The following FBXO36 variants were observed in gnomAD, a reference collection of about 807,000 sequenced individuals.
The protein encoded by FBXO36 is F-box only protein 36.
FBXO36 carries 18 observed loss-of-function variants against 17.0 expected under a neutral mutation model. The ratio of observed to expected loss-of-function variants is 1.06; its 90% CI spans 0.73 to 1.57. FBXO36 has a LOEUF of 1.57. Ranked by LOEUF, FBXO36 falls within the 40% of genes most tolerant of loss-of-function variation. FBXO36 has a pLI of 0.00. For missense variants in FBXO36, 229 were observed against 221.9 expected (o/e 1.03, Z -0.20); for synonymous variants, 83 against 85.3 (o/e 0.97, Z 0.15).
rs1021596293 is a variant in FBXO36, at chr2:229,926,142, A to T, written c.96+3533A>T. ...CCTTCTCTTAAAAAAAAAAAAAAAA[A>T]AAAGGGGGGGCTGAGCACAGCTCAT... is the stretch of plus-strand genomic sequence containing the variant. On this transcript the variant is annotated intron_variant, in intron 1 of 3. Coordinates refer to ENST00000283946, the MANE Select transcript of FBXO36 (RefSeq NM_174899.5). 1.2e-4 allele frequency among the ~76,000 whole-genome samples: 18 copies of T among 151,108 alleles called. No homozygotes were observed. The South Asian group carries it at 3.8e-3, about 32-fold the overall frequency.
chr2:229,984,101 G>C (rs1318123644), intron 2 of FBXO36, among the ~76,000 whole-genome samples: 1 of 152,108 alleles, frequency 6.6e-6, no homozygotes, highest in Non-Finnish European at 1.5e-5. Flanking sequence ...TGTAATCCCA[G>C]CACTTTGGGA....
chr2:229,993,989 G>A (rs1445155345), intron 2 of FBXO36, among the ~76,000 whole-genome samples: 1 of 151,866 alleles, frequency 6.6e-6, no homozygotes, highest in Non-Finnish European at 1.5e-5. Context: ...AGCCAGGTTG[G>A]TCTCGATCTC....
chr2:229,983,795 G>T (rs2077253159), intron 2 of FBXO36, among the ~76,000 whole-genome samples: 1 of 151,944 alleles, frequency 6.6e-6, no homozygotes, highest in Non-Finnish European at 1.5e-5. Context: ...ATCTTTTTAG[G>T]TCTCAGTTCC....
intron 2 of FBXO36, among the ~76,000 whole-genome samples, chr2:229,983,721 G>A (rs74748308): frequency 0.012 from 1,804 of 152,300 alleles, 43 homozygotes; most frequent in African/African-American, 0.041. Flanking sequence ...GCTTAATACA[G>A]ACTACTTCCA....
At chr2:229,932,349 A>T (rs1352545919) in intron 1 of FBXO36, among the ~76,000 whole-genome samples, 2 of 151,858 alleles carry the variant, frequency 1.3e-5, no homozygotes, top group Non-Finnish European at 2.9e-5. Flanking sequence ...GGAGAAACCC[A>T]GTCTCTACTA....
chr2:229,951,688 C>A (rs1331517153), intron 1 of FBXO36, among the ~76,000 whole-genome samples: 1 of 148,360 alleles, frequency 6.7e-6, no homozygotes, highest in Non-Finnish European at 1.5e-5. Context: ...GATGATGGGG[C>A]ATTTAGAAGA....
chr2:229,965,739 G>A (rs2077149130), intron 1 of FBXO36, among the ~76,000 whole-genome samples: 1 of 152,164 alleles, frequency 6.6e-6, no homozygotes, highest in African/African-American at 2.4e-5. Context: ...ATTCTACGGT[G>A]TATATGTGCC....
intron 3 of FBXO36, among the ~76,000 whole-genome samples, chr2:229,998,807 T>C (rs1200184738): frequency 1.3e-5 from 2 of 150,076 alleles, no homozygotes; most frequent in African/African-American, 4.9e-5. Flanking sequence ...ATAATTTTTT[T>C]TTTTTTTTTT....
chr2:229,942,752 G>A (rs2077006365), intron 1 of FBXO36: 1 of 152,292 alleles, frequency 6.6e-6, no homozygotes, highest in African/African-American at 2.4e-5. Context: ...TCAGTTCTGA[G>A]CCTCAAGTTC....
chr2:229,956,808 C>T (rs557990284), intron 1 of FBXO36, among the ~76,000 whole-genome samples: 47 of 152,148 alleles, frequency 3.1e-4, no homozygotes, highest in Non-Finnish European at 5.1e-4. Context: ...GAGACTAGTT[C>T]TCCTTTAGTT....
chr2:229,945,750 C>T (rs1007038667), intron 1 of FBXO36, among the ~76,000 whole-genome samples: 3 of 151,686 alleles, frequency 2.0e-5, no homozygotes, highest in Non-Finnish European at 4.4e-5. Flanking sequence ...AAGCCAGGCG[C>T]GGTGGCTCAT....
intron 1 of FBXO36, among the ~76,000 whole-genome samples, chr2:229,974,574 T>G (rs1292113467): frequency 1.3e-5 from 2 of 152,174 alleles, no homozygotes; most frequent in Non-Finnish European, 2.9e-5. Flanking sequence ...CTCTGCCTTT[T>G]TATGAACAAG....
chr2:229,991,921 G>T (rs72993092), intron 2 of FBXO36, among the ~76,000 whole-genome samples: 10,711 of 152,096 alleles, frequency 0.07, 504 homozygotes, highest in Non-Finnish European at 0.11. Flanking sequence ...CATTGTCCTA[G>T]ATTTGATCTT....
chr2:229,952,973 G>A (rs913256117), intron 1 of FBXO36, among the ~76,000 whole-genome samples: 2 of 152,198 alleles, frequency 1.3e-5, no homozygotes, highest in African/African-American at 4.8e-5. Context: ...ACATTTTCTC[G>A]GGTTGGGATG....
At chr2:229,948,452 A>G (rs1439018983) in intron 1 of FBXO36, among the ~76,000 whole-genome samples, 1 of 151,822 alleles carries the variant, frequency 6.6e-6, no homozygotes, top group African/African-American at 2.4e-5. Flanking sequence ...GTTGCCCCCA[A>G]TATCCATTTT....
chr2:229,974,621 C>T (rs902158375), intron 1 of FBXO36, among the ~76,000 whole-genome samples: 1 of 152,136 alleles, frequency 6.6e-6, no homozygotes, highest in Non-Finnish European at 1.5e-5. Context: ...ATTTCTGGAG[C>T]GGTGCCCTGG....
chr2:230,010,313 T>C (rs1290250308), intron 3 of FBXO36, among the ~76,000 whole-genome samples: 1 of 152,056 alleles, frequency 6.6e-6, no homozygotes, highest in Admixed American at 6.6e-5. Flanking sequence ...TAGAGATGAA[T>C]TGGAATTAAC....
In FBXO36 at chr2:229,949,721, T is replaced by A. The variant is rs547754227; in HGVS notation, c.97-26520T>A. Among the ~76,000 whole-genome samples, 10 of 151,468 alleles carry A rather than the reference T, an allele frequency of 6.6e-5. No homozygotes were observed. In the East Asian group the frequency reaches 1.8e-3, roughly 27 times the overall value. On this transcript the variant is annotated intron_variant, in intron 1 of 3. Coordinates refer to ENST00000283946, the MANE Select transcript of FBXO36 (RefSeq NM_174899.5). ...CGGGCGGATCACGAGGTCAGGAGAT[T>A]GAGACCATCCTGGCTGACACGGTGA...
intron 1 of FBXO36, among the ~76,000 whole-genome samples, chr2:229,930,252 G>A (rs768037311): frequency 4.6e-5 from 7 of 151,400 alleles, no homozygotes; most frequent in Non-Finnish European, 8.8e-5. Flanking sequence ...AGGCTGAGGC[G>A]GGAGGATCAC....
Sources: allele counts gnomAD v4.1 joint callset (sites outside exome capture counted in the v4.1 genomes callset), GRCh38; gene constraint gnomAD v4.1.1; transcripts MANE v1.5; gene names NCBI Gene and HGNC (gene_info 2026-07-23, HGNC 2026-07-21).